TMEM132C: variants seen among roughly 807,000 people sequenced by gnomAD.
TMEM132C encodes transmembrane protein 132C.
In TMEM132C, 29 loss-of-function variants were observed where a neutral mutation model predicts 61.4. The ratio of observed to expected loss-of-function variants is 0.47; its 90% CI spans 0.35 to 0.64. TMEM132C has a LOEUF of 0.64. Among genes scored for constraint, TMEM132C ranks in the 30% least tolerant of loss-of-function variants. The pLI is 0.00. For missense variants in TMEM132C, 1,408 were observed against 1,476.9 expected (o/e 0.95, Z 0.76); for synonymous variants, 656 against 633.1 (o/e 1.04, Z -0.54).
At chr12:128,401,569 G>A (rs908761121) in intron 1 of TMEM132C, among the ~76,000 whole-genome samples, 1 of 152,148 alleles carries the variant, frequency 6.6e-6, no homozygotes, top group Non-Finnish European at 1.5e-5. Context: ...GTAATTTTCG[G>A]AAAGGATCAA....
chr12:128,511,624 C>T (rs1181895269), intron 2 of TMEM132C, among the ~76,000 whole-genome samples: 2 of 152,206 alleles, frequency 1.3e-5, no homozygotes, highest in Non-Finnish European at 2.9e-5. Flanking sequence ...TCACAACACA[C>T]CTGGAGCATT....
chr12:128,286,527 G>T (rs1872536), intron 1 of TMEM132C, among the ~76,000 whole-genome samples: 13 of 152,054 alleles, frequency 8.5e-5, no homozygotes, highest in Non-Finnish European at 1.8e-4. Context: ...TACATAAACC[G>T]GGAAATAAGG....
At chr12:128,399,167 GA>G in intron 1 of TMEM132C, among the ~76,000 whole-genome samples, 1 of 152,160 alleles carries the variant, frequency 6.6e-6, no homozygotes, top group East Asian at 1.9e-4. Context: ...ACATGTGGGG[GA>G]AAAATGCGGA....
chr12:128,534,061 C>A (rs370973606), intron 2 of TMEM132C, among the ~76,000 whole-genome samples: 1 of 152,232 alleles, frequency 6.6e-6, no homozygotes, highest in East Asian at 1.9e-4. Context: ...AAGATTGTAG[C>A]TGACCATGAG....
intron 2 of TMEM132C, among the ~76,000 whole-genome samples, chr12:128,520,759 G>A (rs986325545): frequency 6.6e-6 from 1 of 152,144 alleles, no homozygotes; most frequent in African/African-American, 2.4e-5. Flanking sequence ...AAACCTGGGA[G>A]AGACTTCTGA....
At chr12:128,508,524 G>A (rs1339023590) in intron 2 of TMEM132C, among the ~76,000 whole-genome samples, 1 of 152,202 alleles carries the variant, frequency 6.6e-6, no homozygotes, top group Non-Finnish European at 1.5e-5. Flanking sequence ...GCTCAGTGGG[G>A]TTTGCCTCCT....
At chr12:128,446,490 G>A (rs1869986053) in intron 2 of TMEM132C, among the ~76,000 whole-genome samples, 1 of 152,218 alleles carries the variant, frequency 6.6e-6, no homozygotes, top group African/African-American at 2.4e-5. Flanking sequence ...CTGATCATGA[G>A]TTGTCCATTC....
At chr12:128,421,123 G>A (rs1868972691) in intron 2 of TMEM132C, among the ~76,000 whole-genome samples, 1 of 152,076 alleles carries the variant, frequency 6.6e-6, no homozygotes, top group Non-Finnish European at 1.5e-5. Context: ...GTACCCAATA[G>A]GTAACTTTTC....
At position 128,381,643 on chromosome 12, in the gene TMEM132C, C is replaced by T. The variant is rs1435591527; in HGVS notation, c.86-33089C>T. On this transcript the variant is annotated intron_variant, in intron 1 of 8. Coordinates refer to ENST00000435159, the MANE Select transcript of TMEM132C (RefSeq NM_001136103.3). ...TGCGGGAATCGCTGCTCTGAAGATG[C>T]CATCGGAAGGCACAGTCACTGGGCT... 2.6e-5 allele frequency among the ~76,000 whole-genome samples: 4 copies of T among 152,266 alleles called. No homozygotes were observed. The South Asian group carries it at 8.3e-4, about 32-fold the overall frequency.
At chr12:128,648,604 T>TG (rs1954235309) in intron 4 of TMEM132C, among the ~76,000 whole-genome samples, 1 of 133,718 alleles carries the variant, frequency 7.5e-6, no homozygotes, top group Non-Finnish European at 1.6e-5. Context: ...TGTGTTTAGC[T>TG]CAGTCCATCA....
chr12:128,481,437 G>A (rs143390047), intron 2 of TMEM132C, among the ~76,000 whole-genome samples: 1,766 of 152,320 alleles, frequency 0.012, 23 homozygotes, highest in African/African-American at 0.04. Context: ...CCAGAGTGCA[G>A]GAAACCTTCC....
At chr12:128,414,467 T>G (rs957469719) in intron 1 of TMEM132C, among the ~76,000 whole-genome samples, 4 of 152,208 alleles carry the variant, frequency 2.6e-5, no homozygotes, top group South Asian at 4.1e-4. Flanking sequence ...AGTTGAACTC[T>G]ATGAAACTGC....
intron 4 of TMEM132C, among the ~76,000 whole-genome samples, chr12:128,622,051 A>G (rs376432989): frequency 2.6e-5 from 4 of 151,826 alleles, no homozygotes; most frequent in African/African-American, 7.3e-5. Context: ...CTCAAAATAT[A>G]TATGTATATG....
At chr12:128,695,146 C>T (rs974385034) in intron 6 of TMEM132C, among the ~76,000 whole-genome samples, 1 of 152,180 alleles carries the variant, frequency 6.6e-6, no homozygotes, top group Non-Finnish European at 1.5e-5. Flanking sequence ...ATGGTGGTCA[C>T]TAGCACAAGT....
intron 1 of TMEM132C, among the ~76,000 whole-genome samples, chr12:128,284,340 T>C (rs551853108): frequency 6.6e-6 from 1 of 152,338 alleles, no homozygotes; most frequent in Non-Finnish European, 1.5e-5. Flanking sequence ...GTGTGTAAAC[T>C]TACTCTTATG....
intron 2 of TMEM132C, among the ~76,000 whole-genome samples, chr12:128,480,898 T>C (rs946593693): frequency 6.6e-6 from 1 of 152,180 alleles, no homozygotes; most frequent in African/African-American, 2.4e-5. Flanking sequence ...GGAAAGGGCT[T>C]GTGAATACAT....
intron 3 of TMEM132C, among the ~76,000 whole-genome samples, chr12:128,572,374 T>TTGAC (rs1293927755): frequency 6.6e-6 from 1 of 150,988 alleles, no homozygotes; most frequent in African/African-American, 2.4e-5. Flanking sequence ...CCTCTGCTGA[T>TTGAC]CTCTGATTAG....
intron 3 of TMEM132C, among the ~76,000 whole-genome samples, chr12:128,587,904 G>T (rs1024466157): frequency 1.3e-5 from 2 of 152,212 alleles, no homozygotes; most frequent in African/African-American, 4.8e-5. Context: ...TGATGCAGGC[G>T]ATATGCATTC....
At chr12:128,648,253 G>A (rs190859258) in intron 4 of TMEM132C, among the ~76,000 whole-genome samples, 221 of 151,886 alleles carry the variant, frequency 1.5e-3, no homozygotes, top group African/African-American at 5.1e-3. Context: ...ATGTGGGTGT[G>A]TTTACTGGAG....
Sources: gnomAD v4.1 joint callset for allele counts (sites outside exome capture counted in the v4.1 genomes callset) on GRCh38, gnomAD v4.1.1 for gene constraint, MANE v1.5 for transcripts, NCBI Gene and HGNC (gene_info 2026-07-23, HGNC 2026-07-21) for gene names.